VPS13B: variants seen among roughly 807,000 people sequenced by gnomAD.
VPS13B encodes intermembrane lipid transfer protein VPS13B.
A neutral mutation model predicts 426.4 loss-of-function variants in VPS13B; 285 were observed. That is an observed-to-expected ratio of 0.67 (90% CI 0.61 to 0.74). The LOEUF is 0.74. VPS13B is among the 30% of genes least tolerant of loss of function. The pLI, the probability that VPS13B is intolerant of heterozygous loss-of-function variation, is 0.00. For synonymous variants in VPS13B, 1,676 were observed against 1,676.4 expected (o/e 1.00, Z 0.01); for missense variants, 4,537 against 4,782.6 (o/e 0.95, Z 1.51).
At chr8:99,592,650 C>G (rs1193590879) in intron 33 of VPS13B, among the ~76,000 whole-genome samples, 1 of 152,096 alleles carries the variant, frequency 6.6e-6, no homozygotes, top group East Asian at 1.9e-4. Context: ...ATCACACTAC[C>G]AGACTTCAAA....
At chr8:99,674,335 A>G (rs1830836333) in intron 35 of VPS13B, among the ~76,000 whole-genome samples, 1 of 152,078 alleles carries the variant, frequency 6.6e-6, no homozygotes, top group South Asian at 2.1e-4. Flanking sequence ...GTCATTATAT[A>G]GGACTTGCAT....
intron 19 of VPS13B, among the ~76,000 whole-genome samples, chr8:99,377,962 A>T (rs1411021424): frequency 6.6e-6 from 1 of 152,200 alleles, no homozygotes; most frequent in Non-Finnish European, 1.5e-5. Flanking sequence ...ACTCATTGTC[A>T]TTGATAAACA....
chr8:99,478,447 G>GTTTTGTTTTTTTT (rs1819822769), intron 24 of VPS13B, among the ~76,000 whole-genome samples: 16 of 85,770 alleles, frequency 1.9e-4, no homozygotes, highest in South Asian at 3.7e-4. Flanking sequence ...TTTTTGTTTT[G>GTTTTGTTTTTTTT]TTTTTTTTTT....
intron 3 of VPS13B, among the ~76,000 whole-genome samples, chr8:99,079,204 G>C (rs1845304928): frequency 6.6e-6 from 1 of 152,118 alleles, no homozygotes. Flanking sequence ...GTAGCGGTGG[G>C]TTGGGTGTGC....
At chr8:99,756,995 T>C (rs1810672442) in intron 39 of VPS13B, among the ~76,000 whole-genome samples, 1 of 152,186 alleles carries the variant, frequency 6.6e-6, no homozygotes, top group African/African-American at 2.4e-5. Context: ...GGAATAATAT[T>C]TTCCTCCCTG....
At chr8:99,726,098 T>A (rs938098082) in intron 39 of VPS13B, among the ~76,000 whole-genome samples, 4 of 152,300 alleles carry the variant, frequency 2.6e-5, no homozygotes, top group Non-Finnish European at 5.9e-5. Context: ...CCCATATCAC[T>A]TTATGGAATT....
chr8:99,872,720 G>A (rs868835139), intron 61 of VPS13B, among the ~76,000 whole-genome samples: 14 of 152,278 alleles, frequency 9.2e-5, no homozygotes, highest in Middle Eastern at 3.4e-3. Context: ...GCCCTAACCT[G>A]GGGACTGAGT....
At chr8:99,277,738 A>C (rs1818971332) in intron 19 of VPS13B, among the ~76,000 whole-genome samples, 1 of 152,132 alleles carries the variant, frequency 6.6e-6, no homozygotes, top group South Asian at 2.1e-4. Flanking sequence ...TATATATGTT[A>C]CTGATTTATA....
At chr8:99,101,596 A>G (rs1175870765) in intron 4 of VPS13B, among the ~76,000 whole-genome samples, 1 of 152,246 alleles carries the variant, frequency 6.6e-6, no homozygotes, top group African/African-American at 2.4e-5. Flanking sequence ...ATCTATTAAT[A>G]TTTTGAATGT....
chr8:99,438,564 C>G (rs369607321), intron 22 of VPS13B, among the ~76,000 whole-genome samples: 2 of 152,218 alleles, frequency 1.3e-5, no homozygotes, highest in East Asian at 3.9e-4. Context: ...TTAATGTCTT[C>G]TCTTGACAAG....
rs1239054973 is a variant in VPS13B at position 99,876,582 on chromosome 8, A to ATT, written c.*917_*918dup. On this transcript the variant is annotated 3_prime_UTR_variant, in exon 62 of 62. Transcript: ENST00000357162. ...AAGAACCCCAATATTAATGCTAACA[A>ATT]TTATACCAGTCCATTTTGTTTATTC... 6.6e-6 allele frequency: 1 copy of ATT among 152,218 alleles called. No homozygotes were observed. The highest frequency in any genetic ancestry group is 2.4e-5 in the African/African-American group (1 of 41,462). 9.4% of individuals were successfully genotyped at this position (152,218 alleles called of 1,614,324 possible). A position where few individuals can be genotyped will look rare whatever the true frequency, so the allele number is the denominator to read the frequency against.
At chr8:99,478,781 G>A (rs1384904414) in intron 24 of VPS13B, among the ~76,000 whole-genome samples, 4 of 148,948 alleles carry the variant, frequency 2.7e-5, no homozygotes, top group Non-Finnish European at 3.0e-5. Flanking sequence ...ACTTTTAAAC[G>A]AAATTAAACT....
chr8:99,027,318 C>CT (rs879386090), intron 2 of VPS13B, among the ~76,000 whole-genome samples: 158 of 144,254 alleles, frequency 1.1e-3, no homozygotes, highest in African/African-American at 2.5e-3. Flanking sequence ...TGCTAATTGC[C>CT]TTTTTTTTTT....
intron 22 of VPS13B, among the ~76,000 whole-genome samples, chr8:99,436,902 C>A (rs1211246442): frequency 1.3e-5 from 2 of 151,986 alleles, no homozygotes; most frequent in Non-Finnish European, 2.9e-5. Context: ...CCATGCCCAG[C>A]TAATTTTTTT....
chr8:99,511,018 CT>C, intron 28 of VPS13B, 85 bp from the exon 29 acceptor site: 1 of 1,454,814 alleles, frequency 6.9e-7, no homozygotes. Context: ...GGTAAAAATA[CT>C]CACTGAGGTC....
chr8:99,086,139 T>G (rs536917200), intron 3 of VPS13B, among the ~76,000 whole-genome samples: 1 of 152,198 alleles, frequency 6.6e-6, no homozygotes, highest in Non-Finnish European at 1.5e-5. Flanking sequence ...CCCATATTTC[T>G]TGGAGGCTTT....
intron 22 of VPS13B, among the ~76,000 whole-genome samples, chr8:99,433,025 A>G (rs999999713): frequency 2.0e-5 from 3 of 152,224 alleles, no homozygotes; most frequent in Admixed American, 6.5e-5. Flanking sequence ...TATAATGGTG[A>G]TGATCCTGCT....
At chr8:99,472,514 A>G (rs1297891417) in intron 24 of VPS13B, among the ~76,000 whole-genome samples, 1 of 151,974 alleles carries the variant, frequency 6.6e-6, no homozygotes, top group East Asian at 1.9e-4. Flanking sequence ...ATGACACTAA[A>G]AAAAAACTGG....
intron 23 of VPS13B, among the ~76,000 whole-genome samples, chr8:99,447,178 T>C (rs1168752284): frequency 6.6e-6 from 1 of 152,202 alleles, no homozygotes; most frequent in Non-Finnish European, 1.5e-5. Flanking sequence ...GAAAGATTCC[T>C]CCTATACAGG....
Sources: allele counts gnomAD v4.1 joint callset (sites outside exome capture counted in the v4.1 genomes callset), GRCh38; gene constraint gnomAD v4.1.1; transcripts MANE v1.5; gene names NCBI Gene and HGNC (gene_info 2026-07-23, HGNC 2026-07-21).